The following PKNOX2 variants were observed in gnomAD, a reference collection of about 807,000 sequenced individuals.
PKNOX2 encodes homeobox protein PKNOX2.
A neutral mutation model predicts 53.1 loss-of-function variants in PKNOX2; 14 were observed. That is an observed-to-expected ratio of 0.26 (90% CI 0.17 to 0.41). The LOEUF (loss-of-function observed/expected upper bound fraction) is 0.41. Among genes scored for constraint, PKNOX2 ranks in the 10% least tolerant of loss-of-function variants. The pLI is 1.00. For synonymous variants in PKNOX2, 257 were observed against 242.8 expected (o/e 1.06, Z -0.54); for missense variants, 496 against 602.8 (o/e 0.82, Z 1.85).
chr11:125,244,470 T>C (rs1047987029), intron 2 of PKNOX2, among the ~76,000 whole-genome samples: 1 of 152,204 alleles, frequency 6.6e-6, no homozygotes, highest in Non-Finnish European at 1.5e-5. Flanking sequence ...GAATCTGCTA[T>C]AAACCCTCCC....
At chr11:125,206,112 A>C (rs984164224) in intron 1 of PKNOX2, among the ~76,000 whole-genome samples, 1 of 152,024 alleles carries the variant, frequency 6.6e-6, no homozygotes, top group Admixed American at 6.6e-5. Context: ...TGTTCCAGGC[A>C]CTGTGTCATA....
rs569918504 is a variant in PKNOX2 at position 125,271,004 on chromosome 11, G to C, written c.-130+35889G>C. 3.6e-4 allele frequency among the ~76,000 whole-genome samples: 55 copies of C among 152,256 alleles called. 1 individual carries two copies. The highest frequency in any genetic ancestry group is 3.1e-3 in the South Asian group (15 of 4,824). On this transcript the variant is annotated intron_variant, in intron 2 of 12. Coordinates refer to ENST00000298282, the MANE Select transcript of PKNOX2 (RefSeq NM_001382323.2). ...AAGATGCTGAACCTTAGCTGCCTTGGGGGGTGACACAAGAAGTTCTGCAGG... is the reference window on the plus strand; with the variant it reads ...AAGATGCTGAACCTTAGCTGCCTTGCGGGGTGACACAAGAAGTTCTGCAGG...
intron 2 of PKNOX2, among the ~76,000 whole-genome samples, chr11:125,259,744 C>G (rs1164392695): frequency 1.3e-5 from 2 of 152,212 alleles, no homozygotes; most frequent in African/African-American, 4.8e-5. Context: ...GGCAGGCTGG[C>G]TGGGAGTCTG....
At chr11:125,259,682 C>A (rs1218825005) in intron 2 of PKNOX2, among the ~76,000 whole-genome samples, 1 of 152,212 alleles carries the variant, frequency 6.6e-6, no homozygotes, top group Non-Finnish European at 1.5e-5. Context: ...GGATGGCCCA[C>A]CTGCCTTGGC....
chr11:125,322,690 G>C (rs1457259202), intron 2 of PKNOX2, among the ~76,000 whole-genome samples: 1 of 152,196 alleles, frequency 6.6e-6, no homozygotes, highest in Non-Finnish European at 1.5e-5. Flanking sequence ...GGAGCAGTTA[G>C]TCATCTGCCA....
intron 12 of PKNOX2, 72 bp from the exon 13 acceptor site, chr11:125,431,094 C>A: frequency 6.5e-7 from 1 of 1,542,794 alleles, no homozygotes; most frequent in Non-Finnish European, 8.7e-7. Flanking sequence ...TCCATTAAAC[C>A]CTGTCCAACA....
chr11:125,393,927 G>T (rs186038951), intron 6 of PKNOX2, among the ~76,000 whole-genome samples: 1 of 131,980 alleles, frequency 7.6e-6, no homozygotes, highest in African/African-American at 2.8e-5. Flanking sequence ...GCACACGGGT[G>T]GGGGGTGGGG....
intron 2 of PKNOX2, among the ~76,000 whole-genome samples, chr11:125,267,136 G>A (rs1052101708): frequency 2.6e-5 from 4 of 152,140 alleles, no homozygotes; most frequent in Non-Finnish European, 5.9e-5. Flanking sequence ...CTTCTCTTCT[G>A]CTATGTCCTT....
At chr11:125,201,560 G>A (rs1938443062) in intron 1 of PKNOX2, among the ~76,000 whole-genome samples, 1 of 152,164 alleles carries the variant, frequency 6.6e-6, no homozygotes, top group Non-Finnish European at 1.5e-5. Context: ...CCGAGCTGGA[G>A]TTTCCACCTG....
chr11:125,236,239 C>A (rs781606941), intron 2 of PKNOX2, among the ~76,000 whole-genome samples: 2 of 152,194 alleles, frequency 1.3e-5, no homozygotes, highest in Non-Finnish European at 2.9e-5. Context: ...GATTCAGCGC[C>A]GGTCGCCTCT....
intron 6 of PKNOX2, among the ~76,000 whole-genome samples, chr11:125,390,273 T>C (rs1202331589): frequency 3.3e-5 from 5 of 152,236 alleles, no homozygotes; most frequent in African/African-American, 9.6e-5. Context: ...GAGGAGGCAA[T>C]TGAGGCAAGA....
chr11:125,262,676 C>G (rs1944960316), intron 2 of PKNOX2, among the ~76,000 whole-genome samples: 1 of 151,814 alleles, frequency 6.6e-6, no homozygotes, highest in African/African-American at 2.4e-5. Context: ...CTCTACCCCA[C>G]AGGCTTTGTC....
chr11:125,430,151 G>A lies in PKNOX2; in HGVS notation c.1192+10G>A. The A allele has an allele frequency of 6.2e-7, 1 of 1,613,082 alleles. No homozygotes were observed. On this transcript the variant is annotated intron_variant, in intron 12 of 12. Coordinates refer to ENST00000298282, the MANE Select transcript of PKNOX2 (RefSeq NM_001382323.2). ...GGGACAAACCCCGATGGTAAGAACT[G>A]GGGCTGAGTGCACCCTAGACAAGGG...
intron 10 of PKNOX2, among the ~76,000 whole-genome samples, chr11:125,427,700 T>C (rs535749616): frequency 3.5e-4 from 53 of 152,278 alleles, no homozygotes; most frequent in African/African-American, 1.2e-3. Context: ...AAGCACCACT[T>C]TCTAATACCA....
At chr11:125,189,385 G>GTGTATATATATA (rs61117858) in intron 1 of PKNOX2, among the ~76,000 whole-genome samples, 11,570 of 86,376 alleles carry the variant, frequency 0.13, 766 homozygotes, top group East Asian at 0.2. Context: ...ATATATATGT[G>GTGTATATATATA]TGTATATATA....
rs1021353619 is a variant in PKNOX2 at position 125,166,368 on chromosome 11, C to G, written c.-201+1592C>G. On this transcript the variant is annotated intron_variant, in intron 1 of 12. Transcript: ENST00000298282. The surrounding 1 kb of genome is among the most constrained non-coding windows in gnomAD (Gnocchi z 4.0). ...GAGCCCCGAATTTTTGCTGCTTCCC[C>G]CTGAAAGTGTTTCTTTAGGAGGAGA... Among the ~76,000 whole-genome samples the G allele has an allele frequency of 3.9e-5, 6 of 152,196 alleles. No homozygotes were observed. The highest frequency in any genetic ancestry group is 8.8e-5 in the Non-Finnish European group (6 of 68,024).
intron 1 of PKNOX2, among the ~76,000 whole-genome samples, chr11:125,178,645 A>AGAAAGAAGGAAGGAAGGAAG (rs771497235): frequency 4.5e-4 from 13 of 28,596 alleles, no homozygotes; most frequent in Admixed American, 7.8e-4. Flanking sequence ...AAAGAAAGAA[A>AGAAAGAAGGAAGGAAGGAAG]GAAGGAAGGA....
chr11:125,169,205 C>T (rs1370064923), intron 1 of PKNOX2, among the ~76,000 whole-genome samples: 1 of 152,170 alleles, frequency 6.6e-6, no homozygotes, highest in East Asian at 1.9e-4. Flanking sequence ...AGAGGAAAAA[C>T]TGAGGAAGTT....
chr11:125,227,615 T>A (rs1006636664), intron 1 of PKNOX2, among the ~76,000 whole-genome samples: 1 of 152,252 alleles, frequency 6.6e-6, no homozygotes, highest in East Asian at 1.9e-4. Context: ...TGCCACATTG[T>A]GTCTGTCCAC....
Sources: gnomAD v4.1 joint callset for allele counts (sites outside exome capture counted in the v4.1 genomes callset) on GRCh38, gnomAD v4.1.1 for gene constraint, Gnocchi (gnomAD v3.1) non-coding constraint, MANE v1.5 for transcripts, NCBI Gene and HGNC (gene_info 2026-07-23, HGNC 2026-07-21) for gene names.